MAML2: variants seen among roughly 807,000 people sequenced by gnomAD.
The protein encoded by MAML2 is mastermind like transcriptional coactivator 2, also known as mastermind-like protein 2.
MAML2 carries 22 observed loss-of-function variants against 96.1 expected under a neutral mutation model. That is an observed-to-expected ratio of 0.23 (90% CI 0.16 to 0.33). The LOEUF is 0.33. Among genes scored for constraint, MAML2 ranks in the 10% least tolerant of loss-of-function variants. The pLI is 1.00. For missense variants in MAML2, 1,367 were observed against 1,392.4 expected, an observed-to-expected ratio of 0.98 and a Z score of 0.29; for synonymous variants, 561 against 521.3, an observed-to-expected ratio of 1.08 and a Z score of -1.04.
chr11:96,161,574 A>G (rs1175555276), intron 1 of MAML2, among the ~76,000 whole-genome samples: 16 of 152,182 alleles, frequency 1.1e-4, no homozygotes, highest in Admixed American at 1.0e-3. Flanking sequence ...TGTCTTCCAG[A>G]TACTGGAATT....
intron 2 of MAML2, among the ~76,000 whole-genome samples, chr11:96,042,257 C>A (rs1415997619): frequency 1.3e-5 from 2 of 152,124 alleles, no homozygotes; most frequent in Non-Finnish European, 2.9e-5. Context: ...GGATTACAGG[C>A]GTGAGCCACC....
intron 1 of MAML2, among the ~76,000 whole-genome samples, chr11:96,189,937 T>C (rs2135919858): frequency 1.3e-5 from 2 of 152,342 alleles, no homozygotes; most frequent in Middle Eastern, 3.4e-3. Flanking sequence ...TCTAGGATTG[T>C]ATATGGCTGA....
intron 2 of MAML2, among the ~76,000 whole-genome samples, chr11:96,054,493 G>A (rs1859032682): frequency 6.6e-6 from 1 of 152,158 alleles, no homozygotes; most frequent in Non-Finnish European, 1.5e-5. Flanking sequence ...TTAAGGAGGG[G>A]TTCCTTTATC....
At chr11:96,050,737 G>A (rs1034534992) in intron 2 of MAML2, among the ~76,000 whole-genome samples, 1 of 152,156 alleles carries the variant, frequency 6.6e-6, no homozygotes, top group East Asian at 1.9e-4. Context: ...CTTGTAACTA[G>A]CATGTCTCTG....
intron 1 of MAML2, among the ~76,000 whole-genome samples, chr11:96,175,684 G>A (rs865827064): frequency 2.0e-5 from 3 of 151,934 alleles, no homozygotes; most frequent in African/African-American, 7.3e-5. Flanking sequence ...TCCACCTCCT[G>A]GGTTCAAGCT....
chr11:96,176,214 C>A (rs1337484349), intron 1 of MAML2, among the ~76,000 whole-genome samples: 1 of 152,098 alleles, frequency 6.6e-6, no homozygotes, highest in Admixed American at 6.6e-5. Context: ...CCTGGGAAAT[C>A]CACACTTATT....
At position 95,979,788 on chromosome 11, in the gene MAML2, T is replaced by C. The variant is rs1857707489; in HGVS notation, c.2631A>G (p.Gln877=). ...MGMYGNLPCN[Q]PNTYSVTSGM... ...CTGAAGTGACACTGTATGTGTTAGG[T>C]TGATTACAAGGCAGATTTCCATACA... Residue 877 remains glutamine (Q), a synonymous_variant, in exon 5 of 5, where the codon CAA becomes CAG. Coordinates refer to ENST00000524717, the MANE Select transcript of MAML2 (RefSeq NM_032427.4). The C allele has an allele frequency of 5.0e-6, 8 of 1,613,882 alleles. No individual in the cohort carries two copies. Among genetic ancestry groups the C allele is most frequent in the African/African-American group, 2.7e-5 (2 of 74,920 alleles).
At chr11:96,227,500 A>G (rs1309603743) in intron 1 of MAML2, among the ~76,000 whole-genome samples, 1 of 152,206 alleles carries the variant, frequency 6.6e-6, no homozygotes, top group African/African-American at 2.4e-5. Context: ...ATGTGAATAA[A>G]TGAATAAATG....
Position 96,093,256 on chromosome 11 carries a change from T to G in MAML2, c.775A>C (p.Asn259His). The change falls in exon 2 of 5, where the codon AAC becomes CAC. Residue 259 changes from asparagine to histidine, a missense_variant. By Grantham distance (68) the Asn-to-His change is moderately conservative. Coordinates refer to ENST00000524717, the MANE Select transcript of MAML2 (RefSeq NM_032427.4). ...HTHSPGNGLF[N>H]MGLKEVKKEP... ...TTCTTTACCTCCTTTAAGCCCATGT[T>G]AAACAGGCCATTGCCAGGAGAATGT... 6.2e-7 allele frequency: 1 copy of G among 1,614,062 alleles called. No individual in the cohort carries two copies. The highest frequency in any genetic ancestry group is 8.5e-7 in the Non-Finnish European group (1 of 1,179,900).
intron 1 of MAML2, among the ~76,000 whole-genome samples, chr11:96,199,672 G>A (rs540747922): frequency 6.6e-6 from 1 of 152,010 alleles, no homozygotes; most frequent in Non-Finnish European, 1.5e-5. Flanking sequence ...GTTTTACCAC[G>A]CCCCTCCTAT....
At chr11:95,986,356 C>T (rs564436721) in intron 3 of MAML2, among the ~76,000 whole-genome samples, 18 of 152,074 alleles carry the variant, frequency 1.2e-4, no homozygotes, top group African/African-American at 3.9e-4. Context: ...CGCCATCACG[C>T]CCAGCAAATT....
rs542161722 is a variant in MAML2, at chr11:95,984,950, G to A, written c.2455+581C>T. On this transcript the variant is annotated intron_variant, in intron 4 of 4. Transcript: ENST00000524717. The stretch of plus-strand genomic sequence containing the variant: ...TTGGAGTTTCATGAGCGGGAGGAGA[G>A]AGAATTTGGGGGACTTTTGTACTTA... 9.8e-5 allele frequency among the ~76,000 whole-genome samples: 15 copies of A among 152,334 alleles called. No individual in the cohort carries two copies. The East Asian group carries it at 1.7e-3, about 18-fold the overall frequency.
At chr11:96,326,921 C>T (rs1455135420) in intron 1 of MAML2, among the ~76,000 whole-genome samples, 1 of 152,098 alleles carries the variant, frequency 6.6e-6, no homozygotes, top group African/African-American at 2.4e-5. Flanking sequence ...ATAAAACTGC[C>T]CAGGTTCTTG....
rs184116376 is a variant in MAML2, at chr11:96,165,821, A to G, written c.514-72304T>C. Among the ~76,000 whole-genome samples the G allele has an allele frequency of 1.7e-4, 26 of 152,364 alleles. 1 individual carries two copies. The highest frequency in any genetic ancestry group is 6.8e-3 in the Middle Eastern group (2 of 294). On this transcript the variant is annotated intron_variant, in intron 1 of 4. Coordinates refer to ENST00000524717, the MANE Select transcript of MAML2 (RefSeq NM_032427.4). ...GCATTACCAATTTTAAAAGAGAAAA[A>G]CAGTATCACATTGTCGCTTTTATTT...
chr11:95,990,145 T>C (rs1857887838), intron 3 of MAML2, among the ~76,000 whole-genome samples: 1 of 152,166 alleles, frequency 6.6e-6, no homozygotes, highest in Non-Finnish European at 1.5e-5. Context: ...TTCTCTTACT[T>C]TTTATACTTT....
chr11:96,003,642 G>A (rs1858132508), intron 2 of MAML2, among the ~76,000 whole-genome samples: 1 of 151,958 alleles, frequency 6.6e-6, no homozygotes, highest in Non-Finnish European at 1.5e-5. Context: ...TTGTATAGGG[G>A]TAATATTTAA....
At chr11:96,233,439 C>G (rs1169084523) in intron 1 of MAML2, among the ~76,000 whole-genome samples, 2 of 149,676 alleles carry the variant, frequency 1.3e-5, no homozygotes, top group Non-Finnish European at 3.0e-5. Flanking sequence ...CAGTGTCTTA[C>G]TCTTGTTACC....
chr11:95,993,275 A>G (rs762322387), intron 2 of MAML2, among the ~76,000 whole-genome samples: 1 of 151,972 alleles, frequency 6.6e-6, no homozygotes, highest in Non-Finnish European at 1.5e-5. Flanking sequence ...ACATAAAAAC[A>G]TTAAGCAGGG....
At chr11:96,156,129 A>C (rs889347513) in intron 1 of MAML2, among the ~76,000 whole-genome samples, 1 of 152,094 alleles carries the variant, frequency 6.6e-6, no homozygotes, top group Non-Finnish European at 1.5e-5. Flanking sequence ...TCCGTAACCC[A>C]GGGCTTCCAT....
Sources: allele counts gnomAD v4.1 joint callset (sites outside exome capture counted in the v4.1 genomes callset), GRCh38; gene constraint gnomAD v4.1.1; transcripts MANE v1.5; gene names NCBI Gene and HGNC (gene_info 2026-07-23, HGNC 2026-07-21).